CDHR1: variants seen among roughly 807,000 people sequenced by gnomAD.
CDHR1 encodes cadherin-related family member 1.
Under a neutral mutation model 72.1 loss-of-function variants are expected in CDHR1, and 61 were observed. The observed-to-expected ratio is 0.85, with a 90% CI of 0.69 to 1.05. CDHR1 has a LOEUF of 1.05. Among genes scored for constraint, CDHR1 ranks in the 50% least tolerant of loss-of-function variants. The pLI is 0.00. For missense variants in CDHR1, 1,186 were observed against 1,115.7 expected, an observed-to-expected ratio of 1.06 and a Z score of -0.90; for synonymous variants, 470 against 448.1, an observed-to-expected ratio of 1.05 and a Z score of -0.62.
downstream of CDHR1, chr10:84,219,109 A>G: frequency 2.3e-6 from 3 of 1,318,824 alleles, no homozygotes; most frequent in Non-Finnish European, 3.2e-6. Flanking sequence ...GAAAAATAGT[A>G]ACTTCCCTGG....
Position 84,214,072 on chromosome 10 carries a change from T to C in CDHR1, c.2041-10T>C. 1 of 1,614,146 alleles carries C rather than the reference T, an allele frequency of 6.2e-7. No individual in the cohort carries two copies. On this transcript the variant is annotated splice_polypyrimidine_tract_variant and intron_variant, in intron 16 of 16. Transcript: ENST00000623527. ...AACAGCTGAGTGCAGGGAGTGGCTT[T>C]CTCTTTCAGACCCTCTCCCGGAGCC...
intron 6 of CDHR1, among the ~76,000 whole-genome samples, chr10:84,201,061 TAAC>T (rs1204057575): frequency 6.6e-6 from 1 of 152,178 alleles, no homozygotes; most frequent in African/African-American, 2.4e-5. Context: ...CTGATTCCCC[TAAC>T]AACACAGGCC....
At chr10:84,200,959 G>T (rs1361018432) in intron 6 of CDHR1, among the ~76,000 whole-genome samples, 2 of 152,210 alleles carry the variant, frequency 1.3e-5, no homozygotes, top group African/African-American at 4.8e-5. Context: ...CCTTTCCCCA[G>T]GGGCTGCCAC....
At position 84,204,570 on chromosome 10, in the gene CDHR1, G is replaced by A. The variant is rs1589300382; in HGVS notation, c.827G>A (p.Gly276Asp). Residue 276 changes from glycine to aspartate, a missense_variant, in exon 9 of 17, where the codon GGC (glycine) becomes GAC (aspartate). Transcript: ENST00000623527. ...LKVVAMDGDR[G>D]KPNRILYSLV... is the part of the protein sequence containing the mutation. ...GTGGTCGCCATGGATGGAGACCGGG[G>A]CAAACCCAATCGAATTCTCTACAGC... 1.2e-6 allele frequency: 2 copies of A among 1,613,842 alleles called. No homozygotes were observed. The highest frequency in any genetic ancestry group is 1.3e-5 in the African/African-American group (1 of 75,010).
Position 84,216,287 on chromosome 10 carries a change from G to A in CDHR1, c.*1666G>A. 1.0e-6 allele frequency: 1 copy of A among 985,522 alleles called. No homozygotes were observed. Among genetic ancestry groups the A allele is most frequent in the Non-Finnish European group, 1.2e-6 (1 of 829,976 alleles). 61.0% of individuals were successfully genotyped at this position (985,522 alleles called of 1,614,324 possible). On this transcript the variant is annotated 3_prime_UTR_variant, in exon 17 of 17. Coordinates refer to ENST00000623527, the MANE Select transcript of CDHR1 (RefSeq NM_033100.4). ...GTGTTTGGAGGTGTTACTGAGATGT[G>A]CCAGTGTGCAGAATCCTTGCTGGGG...
chr10:84,215,669 T>C lies in CDHR1; in HGVS notation c.*1048T>C, dbSNP rs951625423. 3.0e-6 allele frequency: 3 copies of C among 984,346 alleles called. No homozygotes were observed. Among genetic ancestry groups the C allele is most frequent in the African/African-American group, 3.5e-5 (2 of 57,212 alleles). The allele number at this position is 984,346 out of a possible 1,614,324, so 61.0% of individuals were successfully genotyped here. On this transcript the variant is annotated 3_prime_UTR_variant, in exon 17 of 17. Transcript: ENST00000623527. Reference sequence around the variant, plus strand: ...AGTGGTGATGAGGGCTTTAACCAAGTGCAAAGCGGCATGAATGCAAAGTAT... The same window carrying C: ...AGTGGTGATGAGGGCTTTAACCAAGCGCAAAGCGGCATGAATGCAAAGTAT...
At position 84,211,093 on chromosome 10, in the gene CDHR1, G is replaced by A. The variant is rs950793031; in HGVS notation, c.1413G>A (p.Lys471=). ...TGGACACCAATGACAATGTCCCCAA[G>A]TTCGACTCCCTCTACTACGTTGCCA... The part of the protein sequence containing the change: ...QLLDTNDNVP[K]FDSLYYVARI... The change falls in exon 13 of 17, where the codon AAG becomes AAA. Residue 471 remains lysine (K), a synonymous_variant. Coordinates refer to ENST00000623527, the MANE Select transcript of CDHR1 (RefSeq NM_033100.4). 1.2e-6 allele frequency: 2 copies of A among 1,614,234 alleles called. No individual in the cohort carries two copies. Among genetic ancestry groups the A allele is most frequent in the Admixed American group, 1.7e-5 (1 of 60,022 alleles).
At chr10:84,219,167 A>T, downstream of CDHR1, 1 of 1,550,340 alleles carries the variant, frequency 6.5e-7, no homozygotes, top group South Asian at 1.2e-5. Flanking sequence ...AAGAAACCAC[A>T]TTCCAGCCAG....
chr10:84,208,051 C>T (rs1842258764), intron 10 of CDHR1, 123 bp from the exon 11 acceptor site: 6 of 835,810 alleles, frequency 7.2e-6, no homozygotes, highest in Non-Finnish European at 1.0e-5. Flanking sequence ...TCAGTTAGAA[C>T]CAAGTTGCTA....
At chr10:84,199,639 G>A (rs1842087908) in intron 5 of CDHR1, among the ~76,000 whole-genome samples, 1 of 152,104 alleles carries the variant, frequency 6.6e-6, no homozygotes, top group Non-Finnish European at 1.5e-5. Context: ...GATATTTAAG[G>A]TGCTCTAAAT....
At position 84,215,054 on chromosome 10, in the gene CDHR1, C is replaced by G. The variant is rs1257311301; in HGVS notation, c.*433C>G. The G allele has an allele frequency of 1.3e-5, 14 of 1,064,810 alleles. No homozygotes were observed. Among genetic ancestry groups the G allele is most frequent in the African/African-American group, 1.7e-5 (1 of 59,612 alleles). The allele number at this position is 1,064,810 out of a possible 1,614,324, so 66.0% of individuals were successfully genotyped here. A position where few individuals can be genotyped will look rare whatever the true frequency, so the allele number is the denominator to read the frequency against. ...ACACTGACTAGAATCTGGATCCTGA[C>G]GCCTGCAGCTGAGAGCAGGAGCAGG... On this transcript the variant is annotated 3_prime_UTR_variant, in exon 17 of 17. Coordinates refer to ENST00000623527, the MANE Select transcript of CDHR1 (RefSeq NM_033100.4).
downstream of CDHR1, chr10:84,219,404 T>G: frequency 7.2e-7 from 1 of 1,398,228 alleles, no homozygotes; most frequent in Non-Finnish European, 9.4e-7. Flanking sequence ...CACTGCTTGC[T>G]GCTCTTCCAC....
At position 84,196,791 on chromosome 10, in the gene CDHR1, G is replaced by A. The variant is rs948961083; in HGVS notation, c.297+141G>A. ...GGCACACCCCAGGCACATCCACTCTGTGAGATCTCTGGGCCACTTCCCATC... is the reference window on the plus strand; with the variant it reads ...GGCACACCCCAGGCACATCCACTCTATGAGATCTCTGGGCCACTTCCCATC... On this transcript the variant is annotated intron_variant, in intron 3 of 16. Coordinates refer to ENST00000623527, the MANE Select transcript of CDHR1 (RefSeq NM_033100.4). The A allele has an allele frequency of 9.0e-5, 87 of 968,768 alleles. No homozygotes were observed. In the East Asian group the frequency reaches 1.8e-3, roughly 20 times the overall value. The allele number at this position is 968,768 out of a possible 1,614,324, so 60.0% of individuals were successfully genotyped here. A position where few individuals can be genotyped will look rare whatever the true frequency, so the allele number is the denominator to read the frequency against.
chr10:84,215,004 A>C lies in CDHR1; in HGVS notation c.*383A>C. 10 of 1,147,586 alleles carry C rather than the reference A, an allele frequency of 8.7e-6. No individual in the cohort carries two copies. The highest frequency in any genetic ancestry group is 2.2e-5 in the South Asian group (1 of 45,986). The allele number at this position is 1,147,586 out of a possible 1,614,324, so 71.1% of individuals were successfully genotyped here. A position where few individuals can be genotyped will look rare whatever the true frequency, so the allele number is the denominator to read the frequency against. The stretch of plus-strand genomic sequence containing the variant: ...ATCTCATCATCATCCTTAGTCAAGC[A>C]GCAGGGCCCTGGCCACGTGGAGCAA... On this transcript the variant is annotated 3_prime_UTR_variant, in exon 17 of 17. Transcript: ENST00000623527.
In CDHR1 at chr10:84,208,820, C is replaced by T. The variant is rs1392539975; in HGVS notation, c.1259C>T (p.Thr420Ile). The T allele has an allele frequency of 1.4e-5, 23 of 1,614,084 alleles. No individual in the cohort carries two copies. Among genetic ancestry groups the T allele is most frequent in the Middle Eastern group, 1.6e-4 (1 of 6,084 alleles). The change falls in exon 12 of 17, where the codon ACA (threonine) becomes ATA (isoleucine). Residue 420 changes from threonine (T) to isoleucine (I), a missense_variant. Thr to Ile is a moderately conservative substitution (Grantham distance 89, BLOSUM62 -1). Coordinates refer to ENST00000623527, the MANE Select transcript of CDHR1 (RefSeq NM_033100.4). ...ACAGTCCTGAATGAAGCCCAAGTCA[C>T]AATCATTGTGGAGAACTCAGCTGCC... is the stretch of plus-strand genomic sequence containing the variant. ...PQTVLNEAQV[T>I]IIVENSAAID...
chr10:84,214,166 A>G lies in CDHR1; in HGVS notation c.2125A>G (p.Met709Val). ...GGCCGTGGGTGTGCTGGCCGGCACC[A>G]TGGCCACCGTCGTGGCCATCACTGT... is the stretch of plus-strand genomic sequence containing the variant. ...MKAVGVLAGT[M>V]ATVVAITVLI... Residue 709 changes from methionine (M) to valine (V), a missense_variant, in exon 17 of 17, where the codon ATG (methionine) becomes GTG (valine). Physicochemically the swap from Met to Val is conservative, Grantham distance 21. Transcript: ENST00000623527. The G allele has an allele frequency of 6.2e-7, 1 of 1,614,150 alleles. No individual in the cohort carries two copies. The highest frequency in any genetic ancestry group is 8.5e-7 in the Non-Finnish European group (1 of 1,180,032).
At position 84,203,029 on chromosome 10, in the gene CDHR1, C is replaced by A; in HGVS notation, c.689C>A (p.Thr230Asn). The A allele has an allele frequency of 6.2e-7, 1 of 1,614,236 alleles. No individual in the cohort carries two copies. Among genetic ancestry groups the A allele is most frequent in the Non-Finnish European group, 8.5e-7 (1 of 1,180,032 alleles). ...GCTGATGTGGTGTTCTCAGCCACCACCACGGTCACGGTCAATGTGGAGGAT... is the reference window on the plus strand; with the variant it reads ...GCTGATGTGGTGTTCTCAGCCACCAACACGGTCACGGTCAATGTGGAGGAT... ...HGADVVFSATTTVTVNVEDVQ... is the reference protein window; with the variant it reads ...HGADVVFSATNTVTVNVEDVQ... The change falls in exon 8 of 17, where the codon ACC becomes AAC. Residue 230 changes from threonine to asparagine, a missense_variant. Coordinates refer to ENST00000623527, the MANE Select transcript of CDHR1 (RefSeq NM_033100.4).
Position 84,196,521 on chromosome 10 carries a change from C to T in CDHR1, c.168C>T (p.Thr56=), listed in dbSNP as rs1842031956. 1.2e-6 allele frequency: 2 copies of T among 1,614,072 alleles called. No homozygotes were observed. The highest frequency in any genetic ancestry group is 1.7e-5 in the Admixed American group (1 of 60,006). The change falls in exon 3 of 17, where the codon ACC becomes ACT. Residue 56 remains threonine (T), a synonymous_variant. Coordinates refer to ENST00000623527, the MANE Select transcript of CDHR1 (RefSeq NM_033100.4). ...TCCTTCCAGGCTCTCACGTATACACCCTGAATGGGACAGACCCTGAGGGAG... is the reference window on the plus strand; with the variant it reads ...TCCTTCCAGGCTCTCACGTATACACTCTGAATGGGACAGACCCTGAGGGAG... ...EDTPVGSHVY[T]LNGTDPEGDP... is the part of the protein sequence containing the mutation.
In CDHR1 at chr10:84,202,966, C is replaced by T. The variant is rs376451005; in HGVS notation, c.640-14C>T. On this transcript the variant is annotated splice_polypyrimidine_tract_variant and intron_variant, in intron 7 of 16. Transcript: ENST00000623527. ...CTTGTCTTCACTCTCCTGTGGCCTC[C>T]GATTCTTCTGCAGGATGGCGGTGGG... 69 of 1,614,028 alleles carry T rather than the reference C, an allele frequency of 4.3e-5. No individual in the cohort carries two copies. Among genetic ancestry groups the T allele is most frequent in the African/African-American group, 1.1e-4 (8 of 74,918 alleles).
Sources: allele counts gnomAD v4.1 joint callset (sites outside exome capture counted in the v4.1 genomes callset), GRCh38; gene constraint gnomAD v4.1.1; transcripts MANE v1.5; gene names NCBI Gene and HGNC (gene_info 2026-07-23, HGNC 2026-07-21).